LDLRAD4: variants seen among roughly 807,000 people sequenced by gnomAD.
The protein encoded by LDLRAD4 is low-density lipoprotein receptor class A domain-containing protein 4.
A neutral mutation model predicts 17.0 loss-of-function variants in LDLRAD4; 5 were observed. That is an observed-to-expected ratio of 0.29 (90% CI 0.15 to 0.62). LDLRAD4 has a LOEUF of 0.62. LDLRAD4 is among the 20% of genes least tolerant of loss of function. The probability of loss-of-function intolerance (pLI) is 0.84; values close to 1 mark genes in which losing one functional copy is unlikely to be tolerated. For missense variants in LDLRAD4, 340 were observed against 424.7 expected (o/e 0.80, Z 1.75); for synonymous variants, 168 against 171.8 (o/e 0.98, Z 0.17).
chr18:13,450,152 A>G (rs1165170720), intron 3 of LDLRAD4, among the ~76,000 whole-genome samples: 1 of 152,236 alleles, frequency 6.6e-6, no homozygotes, highest in Non-Finnish European at 1.5e-5. Context: ...AAAGGCTGGC[A>G]GAGACCCTGC....
At chr18:13,376,870 G>T (rs1247880829) in intron 1 of LDLRAD4, among the ~76,000 whole-genome samples, 1 of 152,186 alleles carries the variant, frequency 6.6e-6, no homozygotes, top group African/African-American at 2.4e-5. Context: ...GTGGAAATTG[G>T]TCTAATGAAC....
chr18:13,558,612 G>T (rs1199252098), intron 3 of LDLRAD4, among the ~76,000 whole-genome samples: 1 of 152,218 alleles, frequency 6.6e-6, no homozygotes, highest in Non-Finnish European at 1.5e-5. Context: ...TGGCTCAGTC[G>T]TAAATGTTTA....
In LDLRAD4 at chr18:13,244,831, T is replaced by C. The variant is rs576780324; in HGVS notation, c.-467+25843T>C. On this transcript the variant is annotated intron_variant, in intron 1 of 5. Transcript: ENST00000399848. ...TCATGGTTGAGATTTGCTGTCTTCA[T>C]GGACAGGTGGGAGTGTTCATTTTAA... 3.3e-5 allele frequency among the ~76,000 whole-genome samples: 5 copies of C among 152,312 alleles called. No homozygotes were observed. The South Asian group carries it at 1.0e-3, about 32-fold the overall frequency.
intron 2 of LDLRAD4, among the ~76,000 whole-genome samples, chr18:13,425,584 A>C (rs1178972799): frequency 6.6e-6 from 1 of 152,176 alleles, no homozygotes; most frequent in Non-Finnish European, 1.5e-5. Flanking sequence ...CAGAGGAGGA[A>C]GTGGTTTTTC....
At chr18:13,592,002 A>G (rs1343737651) in intron 3 of LDLRAD4, among the ~76,000 whole-genome samples, 1 of 152,240 alleles carries the variant, frequency 6.6e-6, no homozygotes, top group Non-Finnish European at 1.5e-5. Flanking sequence ...TCATTCAACC[A>G]CAAGGACATC....
intron 1 of LDLRAD4, among the ~76,000 whole-genome samples, chr18:13,372,813 T>C (rs2084616909): frequency 6.6e-6 from 1 of 152,248 alleles, no homozygotes; most frequent in South Asian, 2.1e-4. Flanking sequence ...AGCCACACCA[T>C]GTGTTTGTGT....
chr18:13,571,057 C>T lies in LDLRAD4; in HGVS notation c.182-50060C>T, dbSNP rs956066110. On this transcript the variant is annotated intron_variant, in intron 3 of 5. Transcript: ENST00000359446. The stretch of plus-strand genomic sequence containing the variant: ...CTGGCCTCAAACTCCTGGCCTCAAG[C>T]GATCCTCCCGCCTCAGCCTCCTGAA... Among the ~76,000 whole-genome samples the T allele has an allele frequency of 7.2e-5, 11 of 152,224 alleles. No homozygotes were observed. The South Asian group carries it at 1.5e-3, about 20-fold the overall frequency.
intron 3 of LDLRAD4, among the ~76,000 whole-genome samples, chr18:13,475,331 G>T (rs964310719): frequency 6.6e-6 from 1 of 152,036 alleles, no homozygotes. Context: ...GCTCAAGGCT[G>T]GTTCACTGCA....
chr18:13,361,820 G>T (rs1383853628), intron 1 of LDLRAD4, among the ~76,000 whole-genome samples: 1 of 152,128 alleles, frequency 6.6e-6, no homozygotes, highest in African/African-American at 2.4e-5. Flanking sequence ...GGTAGGGTCT[G>T]CCCCCAGCCA....
At chr18:13,244,909 T>A (rs1238887025) in intron 1 of LDLRAD4, among the ~76,000 whole-genome samples, 1 of 152,204 alleles carries the variant, frequency 6.6e-6, no homozygotes, top group African/African-American at 2.4e-5. Context: ...TCATTAGCAA[T>A]TTTGTTAGGT....
rs1268219457 is a variant in LDLRAD4 at position 13,621,725 on chromosome 18, G to A, written c.336+454G>A. The stretch of plus-strand genomic sequence containing the variant: ...TCACTAAACGTGCCGGCAGCACATG[G>A]GTGCCATGAGCTGGAGGACGCCTGG... On this transcript the variant is annotated intron_variant, in intron 4 of 5. Transcript: ENST00000359446. This position sits in a 1 kb window ranked among gnomAD's most constrained non-coding sequence, Gnocchi z 5.5. Among the ~76,000 whole-genome samples, 1 of 152,190 alleles carries A rather than the reference G, an allele frequency of 6.6e-6. No individual in the cohort carries two copies. The highest frequency in any genetic ancestry group is 1.5e-5 in the Non-Finnish European group (1 of 68,026).
At chr18:13,339,497 A>G (rs932289483) in intron 1 of LDLRAD4, among the ~76,000 whole-genome samples, 2 of 152,188 alleles carry the variant, frequency 1.3e-5, no homozygotes, top group Non-Finnish European at 1.5e-5. Context: ...CACTGCACCC[A>G]GCCATATCAC....
intron 3 of LDLRAD4, among the ~76,000 whole-genome samples, chr18:13,547,644 G>A (rs549495928): frequency 1.3e-5 from 2 of 152,342 alleles, no homozygotes; most frequent in South Asian, 4.2e-4. Flanking sequence ...CTGCAATGGG[G>A]TGGGCAGCTC....
intron 1 of LDLRAD4, among the ~76,000 whole-genome samples, chr18:13,320,467 A>C (rs1261711567): frequency 6.6e-6 from 1 of 152,236 alleles, no homozygotes; most frequent in African/African-American, 2.4e-5. Context: ...CTGGGACTGC[A>C]GTGACCAGTG....
chr18:13,623,528 G>A (rs1728433306), intron 4 of LDLRAD4, among the ~76,000 whole-genome samples: 1 of 152,144 alleles, frequency 6.6e-6, no homozygotes, highest in Non-Finnish European at 1.5e-5. Flanking sequence ...TTCCTCCTAC[G>A]GCTTCAGCGT....
At chr18:13,546,097 C>T (rs1452033417) in intron 3 of LDLRAD4, among the ~76,000 whole-genome samples, 1 of 152,130 alleles carries the variant, frequency 6.6e-6, no homozygotes, top group Non-Finnish European at 1.5e-5. Flanking sequence ...GATGGTTTAG[C>T]CCCTGCTTGG....
chr18:13,621,261 G>A lies in LDLRAD4; in HGVS notation c.326G>A (p.Gly109Glu). The A allele has an allele frequency of 1.2e-6, 2 of 1,612,256 alleles. No homozygotes were observed. The highest frequency in any genetic ancestry group is 1.7e-6 in the Non-Finnish European group (2 of 1,179,778). The change falls in exon 4 of 6, where the codon GGG becomes GAG. Residue 109 changes from glycine (G) to glutamate (E), a missense_variant. Gly to Glu is a moderately conservative substitution (Grantham distance 98). Coordinates refer to ENST00000359446, the Ensembl canonical transcript of LDLRAD4. This position sits in a 1 kb window ranked among gnomAD's most constrained non-coding sequence, Gnocchi z 5.5. ...AACCAGAGCCGGAGGCGGGAGGACGGGCTGCCGCAGGTGAGTACCCTGGCC... is the reference window on the plus strand; with the variant it reads ...AACCAGAGCCGGAGGCGGGAGGACGAGCTGCCGCAGGTGAGTACCCTGGCC...
At chr18:13,340,814 T>C (rs182172879) in intron 1 of LDLRAD4, among the ~76,000 whole-genome samples, 9 of 152,194 alleles carry the variant, frequency 5.9e-5, no homozygotes, top group African/African-American at 1.9e-4. Context: ...ATATCCAATG[T>C]CATAAAGCTT....
chr18:13,432,532 G>T (rs1427454382), intron 2 of LDLRAD4, among the ~76,000 whole-genome samples: 3 of 152,176 alleles, frequency 2.0e-5, no homozygotes, highest in Non-Finnish European at 2.9e-5. Flanking sequence ...TGGAATGCCT[G>T]CCCAAGGGCC....
Sources: gnomAD v4.1 joint callset for allele counts (sites outside exome capture counted in the v4.1 genomes callset) on GRCh38, gnomAD v4.1.1 for gene constraint, Gnocchi (gnomAD v3.1) non-coding constraint, MANE v1.5 for transcripts, NCBI Gene and HGNC (gene_info 2026-07-23, HGNC 2026-07-21) for gene names.